PKP4: variants seen among roughly 807,000 people sequenced by gnomAD.
PKP4 encodes the protein plakophilin 4, also known as plakophilin-4.
Under a neutral mutation model 145.1 loss-of-function variants are expected in PKP4, and 90 were observed. That is an observed-to-expected ratio of 0.62 (90% CI 0.52 to 0.74). The LOEUF is 0.74. Among genes scored for constraint, PKP4 ranks in the 30% least tolerant of loss-of-function variants. The pLI is 0.00. For missense variants in PKP4, 1,340 were observed against 1,482.7 expected, an observed-to-expected ratio of 0.90 and a Z score of 1.58; for synonymous variants, 563 against 577.2, an observed-to-expected ratio of 0.98 and a Z score of 0.35.
At chr2:158,464,634 C>A (rs563044373) in intron 1 of PKP4, among the ~76,000 whole-genome samples, 1 of 152,308 alleles carries the variant, frequency 6.6e-6, no homozygotes, top group African/African-American at 2.4e-5. Context: ...GTCAATGTCA[C>A]GATCAAAATA....
intron 4 of PKP4, among the ~76,000 whole-genome samples, chr2:158,612,610 T>G (rs1325673200): frequency 1.3e-5 from 2 of 152,188 alleles, no homozygotes; most frequent in African/African-American, 4.8e-5. Flanking sequence ...GGTAGTCCTA[T>G]CTACACTTAC....
chr2:158,591,103 A>G (rs944563938), intron 3 of PKP4, among the ~76,000 whole-genome samples: 1 of 152,112 alleles, frequency 6.6e-6, no homozygotes, highest in African/African-American at 2.4e-5. Flanking sequence ...CTAAAATTCT[A>G]CAGAGCAAAT....
At chr2:158,520,453 G>A (rs2042276099) in intron 1 of PKP4, among the ~76,000 whole-genome samples, 1 of 152,084 alleles carries the variant, frequency 6.6e-6, no homozygotes, top group Non-Finnish European at 1.5e-5. Flanking sequence ...ATAATCTTTA[G>A]TATTTAAGTT....
At position 158,520,059 on chromosome 2, in the gene PKP4, A is replaced by G. The variant is rs1357957640; in HGVS notation, c.-5-13121A>G. On this transcript the variant is annotated intron_variant, in intron 1 of 21. Coordinates refer to ENST00000389759, the MANE Select transcript of PKP4 (RefSeq NM_003628.6). ...CCTTCTTTCCTCTATATAAGAAGTA[A>G]GATATTTTGGGGAAATGTTGAAAAT... Among the ~76,000 whole-genome samples the G allele has an allele frequency of 7.2e-5, 11 of 152,308 alleles. No homozygotes were observed. The East Asian group carries it at 2.1e-3, about 29-fold the overall frequency.
At chr2:158,551,386 C>T (rs952043593) in intron 2 of PKP4, among the ~76,000 whole-genome samples, 13 of 152,180 alleles carry the variant, frequency 8.5e-5, no homozygotes, top group African/African-American at 2.9e-4. Flanking sequence ...GACTGTGAAG[C>T]GATTCCCAAG....
chr2:158,640,854 TCAAGAG>T, intron 10 of PKP4, 95 bp downstream of exon 10: 1 of 1,332,306 alleles, frequency 7.5e-7, no homozygotes, highest in Non-Finnish European at 1.1e-6. Flanking sequence ...CCAGTGTAAT[TCAAGAG>T]TCTTTTTAAA....
intron 19 of PKP4, among the ~76,000 whole-genome samples, chr2:158,674,954 AT>A (rs1234105426): frequency 2.0e-5 from 3 of 152,098 alleles, no homozygotes; most frequent in African/African-American, 7.2e-5. Context: ...TTGAACTAGA[AT>A]TTTTTTTAAT....
intron 3 of PKP4, among the ~76,000 whole-genome samples, chr2:158,582,390 A>G (rs2048404181): frequency 6.6e-6 from 1 of 152,246 alleles, no homozygotes; most frequent in Non-Finnish European, 1.5e-5. Flanking sequence ...AACACCTTTC[A>G]AAATACAAAA....
chr2:158,565,788 A>G (rs2046929134), intron 2 of PKP4, among the ~76,000 whole-genome samples: 1 of 152,158 alleles, frequency 6.6e-6, no homozygotes. Context: ...TAGGTTAGAT[A>G]TGGCTTATGG....
chr2:158,626,637 C>T (rs1170847633), intron 7 of PKP4, among the ~76,000 whole-genome samples: 1 of 152,052 alleles, frequency 6.6e-6, no homozygotes, highest in Non-Finnish European at 1.5e-5. Context: ...AGTTTGAGTG[C>T]CTGTTTGTCT....
intron 1 of PKP4, among the ~76,000 whole-genome samples, chr2:158,508,131 C>T (rs1377051746): frequency 1.3e-5 from 2 of 151,506 alleles, no homozygotes; most frequent in South Asian, 2.1e-4. Flanking sequence ...CCAAGATGGG[C>T]GGATCACCTG....
At chr2:158,591,025 T>C (rs2049227826) in intron 3 of PKP4, among the ~76,000 whole-genome samples, 1 of 152,128 alleles carries the variant, frequency 6.6e-6, no homozygotes, top group South Asian at 2.1e-4. Flanking sequence ...AATATCAGTT[T>C]ATGGGGAATA....
chr2:158,598,103 C>T (rs547494013), intron 3 of PKP4, among the ~76,000 whole-genome samples: 6 of 152,114 alleles, frequency 3.9e-5, no homozygotes, highest in South Asian at 2.1e-4. Context: ...GGATTATAGG[C>T]GTGAGCCGCT....
In PKP4 at chr2:158,680,017, A is replaced by G. The variant is rs1003534692; in HGVS notation, c.3331-412A>G. ...AGGCCCAGAAACCCAGTCCTTGACT[A>G]AATTAGTGATGTGCTAATAATTCCC... On this transcript the variant is annotated intron_variant, in intron 21 of 21. Transcript: ENST00000389759. Among the ~76,000 whole-genome samples the G allele has an allele frequency of 2.6e-5, 4 of 152,252 alleles. No individual in the cohort carries two copies. The South Asian group carries it at 8.3e-4, about 31-fold the overall frequency.
rs144857046 is a variant in PKP4, at chr2:158,603,938, G to A, written c.280+834G>A. 1.3e-4 allele frequency among the ~76,000 whole-genome samples: 20 copies of A among 152,308 alleles called. No homozygotes were observed. In the South Asian group the frequency reaches 2.1e-3, roughly 16 times the overall value. On this transcript the variant is annotated intron_variant, in intron 4 of 21. Transcript: ENST00000389759. Reference sequence around the variant, plus strand: ...TATCTAAACCTAGTGCCAGGATTCTGGTGTTCCTTATACTGCATACAAGGC... The same window carrying A: ...TATCTAAACCTAGTGCCAGGATTCTAGTGTTCCTTATACTGCATACAAGGC...
intron 4 of PKP4, among the ~76,000 whole-genome samples, chr2:158,615,707 A>G (rs2051538974): frequency 6.6e-6 from 1 of 152,178 alleles, no homozygotes; most frequent in African/African-American, 2.4e-5. Flanking sequence ...TGCATTCACA[A>G]AATTTGCTTA....
At chr2:158,559,668 T>C (rs2046361374) in intron 2 of PKP4, among the ~76,000 whole-genome samples, 1 of 152,184 alleles carries the variant, frequency 6.6e-6, no homozygotes, top group Admixed American at 6.5e-5. Flanking sequence ...AGGGAATTGT[T>C]ACCATGAAAA....
intron 1 of PKP4, among the ~76,000 whole-genome samples, chr2:158,475,790 C>G (rs928946702): frequency 3.3e-5 from 5 of 152,126 alleles, no homozygotes; most frequent in Admixed American, 2.6e-4. Flanking sequence ...ACTTCCCTGC[C>G]CTATCTCCCA....
chr2:158,678,281 G>A (rs576741047), intron 20 of PKP4, among the ~76,000 whole-genome samples: 97 of 152,360 alleles, frequency 6.4e-4, no homozygotes, highest in African/African-American at 2.2e-3. Flanking sequence ...CCTCCCACAT[G>A]TGAGCAGAGC....
Sources: allele counts gnomAD v4.1 joint callset (sites outside exome capture counted in the v4.1 genomes callset), GRCh38; gene constraint gnomAD v4.1.1; transcripts MANE v1.5; gene names NCBI Gene and HGNC (gene_info 2026-07-23, HGNC 2026-07-21).